FOXP2: variants seen among roughly 807,000 people sequenced by gnomAD.
FOXP2 encodes the protein forkhead box P2.
A neutral mutation model predicts 115.8 loss-of-function variants in FOXP2; 12 were observed. The observed-to-expected ratio is 0.10, with a 90% confidence interval of 0.07 to 0.17. The LOEUF (loss-of-function observed/expected upper bound fraction) is 0.17, where lower values mean the gene tolerates loss of function less well. Ranked by LOEUF, FOXP2 falls within the 10% of genes least tolerant of loss-of-function variation. The pLI, the probability that FOXP2 is intolerant of heterozygous loss-of-function variation, is 1.00. For missense variants in FOXP2, 629 were observed against 843.5 expected, an observed-to-expected ratio of 0.75 and a Z score of 3.15; for synonymous variants, 328 against 297.7, an observed-to-expected ratio of 1.10 and a Z score of -1.05.
chr7:114,559,987 A>T (rs1425175195), intron 3 of FOXP2, among the ~76,000 whole-genome samples: 1 of 152,184 alleles, frequency 6.6e-6, no homozygotes, highest in Non-Finnish European at 1.5e-5. Flanking sequence ...TAAAATCTCA[A>T]ATCCTTCAAA....
intron 1 of FOXP2, among the ~76,000 whole-genome samples, chr7:114,234,807 C>A (rs1393853084): frequency 6.6e-6 from 1 of 152,138 alleles, no homozygotes; most frequent in Non-Finnish European, 1.5e-5. Context: ...TTTTCAGCTC[C>A]TTGACCTCTT....
chr7:114,691,943 G>GA lies in FOXP2; in HGVS notation c.*2030dup, dbSNP rs750710459. 4,856 of 350,168 alleles carry GA rather than the reference G, an allele frequency of 0.014. 2 individuals are homozygous for GA. Among genetic ancestry groups the GA allele is most frequent in the Middle Eastern group, 0.035 (34 of 972 alleles). 21.7% of individuals were successfully genotyped at this position (350,168 alleles called of 1,614,324 possible). On this transcript the variant is annotated 3_prime_UTR_variant, in exon 17 of 17. Coordinates refer to ENST00000350908, the MANE Select transcript of FOXP2 (RefSeq NM_014491.4). ...TTCTACCTCTGCAAAAAAAAAAAAA[G>GA]AAAAAAAAAAAAAGAAAAACATTAG...
rs73434178 is a variant in FOXP2, at chr7:114,451,299, A to G, written c.168+24620A>G. ...AGAAAGGCGGTAGGATAGAGAGCAA[A>G]TATATTGGTGTTAAAGTGCACATAT... is the stretch of plus-strand genomic sequence containing the variant. On this transcript the variant is annotated intron_variant, in intron 2 of 16. Transcript: ENST00000350908. 8.2e-3 allele frequency among the ~76,000 whole-genome samples: 1,246 copies of G among 152,120 alleles called. 13 individuals carry two copies. Among genetic ancestry groups the G allele is most frequent in the African/African-American group, 0.029 (1,186 of 41,534 alleles).
At chr7:114,152,181 C>A (rs1387226938) in intron 1 of FOXP2, among the ~76,000 whole-genome samples, 1 of 152,116 alleles carries the variant, frequency 6.6e-6, no homozygotes, top group Non-Finnish European at 1.5e-5. Flanking sequence ...TATCTGGTAT[C>A]TTACAGTATG....
At chr7:114,465,739 A>G (rs1379407617) in intron 2 of FOXP2, among the ~76,000 whole-genome samples, 2 of 152,218 alleles carry the variant, frequency 1.3e-5, no homozygotes, top group Non-Finnish European at 2.9e-5. Flanking sequence ...CTTGAAGATG[A>G]TTAGCACACT....
intron 3 of FOXP2, among the ~76,000 whole-genome samples, chr7:114,561,706 A>C (rs550563542): frequency 6.6e-6 from 1 of 152,228 alleles, no homozygotes; most frequent in Non-Finnish European, 1.5e-5. Flanking sequence ...AAACATAAAA[A>C]TTATAAACAT....
intron 2 of FOXP2, among the ~76,000 whole-genome samples, chr7:114,447,040 G>A (rs1243494880): frequency 6.6e-6 from 1 of 151,932 alleles, no homozygotes; most frequent in African/African-American, 2.4e-5. Flanking sequence ...ATGAGCCATG[G>A]CACCTGGCCT....
chr7:114,140,105 T>C (rs1440488648), intron 1 of FOXP2, among the ~76,000 whole-genome samples: 2 of 152,020 alleles, frequency 1.3e-5, no homozygotes, highest in Admixed American at 1.3e-4. Context: ...AAAGTGCGAC[T>C]GTGTTTCAAA....
intron 1 of FOXP2, among the ~76,000 whole-genome samples, chr7:114,286,232 A>G (rs1383465802): frequency 2.0e-5 from 3 of 151,992 alleles, no homozygotes; most frequent in Non-Finnish European, 4.4e-5. Context: ...ATATATGTAT[A>G]TATGAACTCT....
At chr7:114,234,037 A>G (rs1273589007) in intron 1 of FOXP2, among the ~76,000 whole-genome samples, 1 of 152,120 alleles carries the variant, frequency 6.6e-6, no homozygotes, top group Non-Finnish European at 1.5e-5. Flanking sequence ...AAAACTACAG[A>G]AGAATATTGC....
intron 1 of FOXP2, among the ~76,000 whole-genome samples, chr7:114,133,966 A>T (rs13239356): frequency 6.6e-6 from 1 of 151,894 alleles, no homozygotes; most frequent in Non-Finnish European, 1.5e-5. Flanking sequence ...AGTCCCAGGT[A>T]TTCTTTAATA....
chr7:114,254,110 G>T (rs1159583990), intron 1 of FOXP2, among the ~76,000 whole-genome samples: 1 of 152,142 alleles, frequency 6.6e-6, no homozygotes, highest in Non-Finnish European at 1.5e-5. Context: ...TAAGAATGTT[G>T]AATATTGGCC....
intron 3 of FOXP2, among the ~76,000 whole-genome samples, chr7:114,591,044 C>T (rs948840392): frequency 6.6e-6 from 1 of 152,030 alleles, no homozygotes; most frequent in African/African-American, 2.4e-5. Flanking sequence ...ATGCTCAAAC[C>T]AGTCCAATAA....
intron 2 of FOXP2, among the ~76,000 whole-genome samples, chr7:114,390,438 T>C (rs1242186262): frequency 2.0e-5 from 3 of 152,306 alleles, no homozygotes; most frequent in Admixed American, 6.5e-5. Flanking sequence ...TCACCATTTG[T>C]TATATTATAT....
intron 2 of FOXP2, among the ~76,000 whole-genome samples, chr7:114,314,792 G>A (rs1288982793): frequency 6.6e-6 from 1 of 152,126 alleles, no homozygotes; most frequent in Non-Finnish European, 1.5e-5. Flanking sequence ...GATTTTCTTT[G>A]TAATGTGTTG....
At chr7:114,468,723 C>T (rs960674673) in intron 2 of FOXP2, among the ~76,000 whole-genome samples, 6 of 152,030 alleles carry the variant, frequency 3.9e-5, no homozygotes, top group Admixed American at 6.6e-5. Flanking sequence ...CACAAAAATA[C>T]GATGAATGCA....
At chr7:114,360,801 A>G (rs1018963153) in intron 2 of FOXP2, among the ~76,000 whole-genome samples, 5 of 152,218 alleles carry the variant, frequency 3.3e-5, no homozygotes, top group African/African-American at 1.2e-4. Flanking sequence ...CAGAAAATAT[A>G]GTCAGCTTTC....
chr7:114,474,136 T>C (rs1165853120), intron 2 of FOXP2, among the ~76,000 whole-genome samples: 1 of 152,224 alleles, frequency 6.6e-6, no homozygotes, highest in African/African-American at 2.4e-5. Flanking sequence ...ATATGTGACA[T>C]GTAATTGTAG....
chr7:114,311,395 C>T (rs1450989246), intron 2 of FOXP2, among the ~76,000 whole-genome samples: 1 of 152,108 alleles, frequency 6.6e-6, no homozygotes, highest in Non-Finnish European at 1.5e-5. Context: ...GCTGTCACAG[C>T]AGGAGGGTGG....
Sources: allele counts gnomAD v4.1 joint callset (sites outside exome capture counted in the v4.1 genomes callset), GRCh38; gene constraint gnomAD v4.1.1; transcripts MANE v1.5; gene names NCBI Gene and HGNC (gene_info 2026-07-23, HGNC 2026-07-21).